Variants in NAA11 observed in about 807,000 individuals in gnomAD.
NAA11 encodes N-alpha-acetyltransferase 11.
A neutral mutation model predicts 16.1 loss-of-function variants in NAA11; 15 were observed. The ratio of observed to expected loss-of-function variants is 0.93; its 90% CI spans 0.62 to 1.44. NAA11 has a LOEUF of 1.44. Ranked by LOEUF, NAA11 falls within the 40% of genes most tolerant of loss-of-function variation. NAA11 has a pLI of 0.00. For missense variants in NAA11, 298 were observed against 291.3 expected, an observed-to-expected ratio of 1.02 and a Z score of -0.17; for synonymous variants, 122 against 112.4, an observed-to-expected ratio of 1.09 and a Z score of -0.54.
chr4:79,179,966 G>C, the NAA11 span, among the ~76,000 whole-genome samples: 1 of 152,220 alleles, frequency 6.6e-6, no homozygotes, highest in Non-Finnish European at 1.5e-5. Context: ...AGTGAAGGGG[G>C]AAGAGCCCCT....
intron 2 of NAA11, among the ~76,000 whole-genome samples, chr4:79,278,307 CTGT>C (rs1268836196): frequency 6.6e-6 from 1 of 152,076 alleles, no homozygotes; most frequent in African/African-American, 2.4e-5. Flanking sequence ...TCTCATTATG[CTGT>C]TTTCTTTCTT....
At chr4:79,282,399 C>A (rs976300183) in intron 2 of NAA11, among the ~76,000 whole-genome samples, 6 of 151,890 alleles carry the variant, frequency 4.0e-5, no homozygotes, top group African/African-American at 1.2e-4. Flanking sequence ...GGAGTAGAAG[C>A]CAAGCACTAT....
chr4:79,271,442 T>C (rs1722490447), intron 2 of NAA11, among the ~76,000 whole-genome samples: 1 of 152,076 alleles, frequency 6.6e-6, no homozygotes, highest in African/African-American at 2.4e-5. Context: ...ATTGTGAAAA[T>C]GGACACTTTG....
At chr4:79,205,005 A>C in the NAA11 span, among the ~76,000 whole-genome samples, 1 of 151,724 alleles carries the variant, frequency 6.6e-6, no homozygotes, top group Admixed American at 6.6e-5. Flanking sequence ...GAAATTGCAT[A>C]TATATGATTT....
chr4:79,212,334 T>C, the NAA11 span, among the ~76,000 whole-genome samples: 1 of 152,154 alleles, frequency 6.6e-6, no homozygotes, highest in Non-Finnish European at 1.5e-5. Flanking sequence ...GGGCCATTAT[T>C]TCTCCCAAGG....
At chr4:79,215,834 A>T in the NAA11 span, among the ~76,000 whole-genome samples, 1 of 152,242 alleles carries the variant, frequency 6.6e-6, no homozygotes, top group South Asian at 2.1e-4. Context: ...TGAGGATTAA[A>T]TAAATGAATA....
At chr4:79,190,889 T>C in the NAA11 span, among the ~76,000 whole-genome samples, 9 of 152,200 alleles carry the variant, frequency 5.9e-5, no homozygotes, top group African/African-American at 2.2e-4. Flanking sequence ...TTTCTTATTA[T>C]TTAGCTTCCA....
At chr4:79,285,929 A>G (rs1722898030) in intron 2 of NAA11, among the ~76,000 whole-genome samples, 1 of 152,092 alleles carries the variant, frequency 6.6e-6, no homozygotes, top group Non-Finnish European at 1.5e-5. Flanking sequence ...AGTGTATTAT[A>G]TAACTGCCAT....
chr4:79,216,478 A>C, the NAA11 span, among the ~76,000 whole-genome samples: 1 of 152,120 alleles, frequency 6.6e-6, no homozygotes, highest in East Asian at 1.9e-4. Flanking sequence ...TAAGACTATC[A>C]ATTAGCAAAA....
At chr4:79,183,519 T>C in the NAA11 span, among the ~76,000 whole-genome samples, 5 of 152,142 alleles carry the variant, frequency 3.3e-5, no homozygotes, top group Admixed American at 1.3e-4. Flanking sequence ...AATTAACATT[T>C]TGGGAGAAAT....
downstream of NAA11, among the ~76,000 whole-genome samples, chr4:79,223,540 A>G (rs1721241058): frequency 6.6e-6 from 1 of 150,464 alleles, no homozygotes; most frequent in Admixed American, 6.6e-5. Context: ...GATATACCTA[A>G]TGCTAGATGA....
the NAA11 span, among the ~76,000 whole-genome samples, chr4:79,172,046 T>C: frequency 2.0e-5 from 3 of 152,082 alleles, no homozygotes; most frequent in African/African-American, 7.2e-5. Flanking sequence ...ATATGAACAA[T>C]AGGAAAGGCA....
chr4:79,249,940 G>C (rs1479977710), intron 2 of NAA11, among the ~76,000 whole-genome samples: 1 of 152,232 alleles, frequency 6.6e-6, no homozygotes, highest in Non-Finnish European at 1.5e-5. Context: ...AGGCATCCAG[G>C]TTCTTGCATT....
chr4:79,293,728 C>T (rs1044449658), intron 2 of NAA11, among the ~76,000 whole-genome samples: 1 of 152,146 alleles, frequency 6.6e-6, no homozygotes, highest in African/African-American at 2.4e-5. Context: ...AATCGAATGA[C>T]CAACTGGTCC....
the NAA11 span, among the ~76,000 whole-genome samples, chr4:79,186,411 A>C: frequency 6.6e-6 from 1 of 152,334 alleles, no homozygotes; most frequent in Admixed American, 6.5e-5. Flanking sequence ...TTAATTCACC[A>C]GATGATAGGG....
chr4:79,294,017 A>T (rs1419248592), exon 2 of NAA11: 1 of 152,508 alleles, frequency 6.6e-6, no homozygotes, highest in East Asian at 1.9e-4. Context: ...TCTCACCTTC[A>T]TGGGATGATG....
intron 1 of NAA11, among the ~76,000 whole-genome samples, chr4:79,309,835 C>T (rs1313293702): frequency 6.6e-6 from 1 of 151,028 alleles, no homozygotes; most frequent in African/African-American, 2.4e-5. Flanking sequence ...TCTGCCTCAG[C>T]CCCTCCAGTA....
Position 79,326,043 on chromosome 4 carries a change from G to A in NAA11, c.-166C>T. ...GGGAAGGCGGAAGGAGCAGGAGATG[G>A]AAAAGATGGTGCCAAACTGCGGCTT... On this transcript the variant is annotated 5_prime_UTR_variant, in exon 1 of 2. Transcript: ENST00000286794. The A allele has an allele frequency of 3.2e-6, 2 of 625,790 alleles. No homozygotes were observed. The highest frequency in any genetic ancestry group is 4.2e-5 in the South Asian group (2 of 47,062). 38.8% of individuals were successfully genotyped at this position (625,790 alleles called of 1,614,324 possible).
chr4:79,214,397 A>G, the NAA11 span, among the ~76,000 whole-genome samples: 2 of 152,098 alleles, frequency 1.3e-5, no homozygotes, highest in East Asian at 1.9e-4. Context: ...TTATTCCCCA[A>G]TGCAACAGTG....
Sources: allele counts gnomAD v4.1 joint callset (sites outside exome capture counted in the v4.1 genomes callset), GRCh38; gene constraint gnomAD v4.1.1; transcripts MANE v1.5; gene names NCBI Gene and HGNC (gene_info 2026-07-23, HGNC 2026-07-21).